Variants in ADGRL3 observed in about 807,000 individuals in gnomAD.
The protein encoded by ADGRL3 is calcium-independent alpha-latrotoxin receptor 3.
A neutral mutation model predicts 153.5 loss-of-function variants in ADGRL3; 62 were observed. The observed-to-expected ratio is 0.40, with a 90% CI of 0.33 to 0.50. ADGRL3 has a LOEUF of 0.50. ADGRL3 is among the 20% of genes least tolerant of loss of function. The pLI is 0.47. For synonymous variants in ADGRL3, 710 were observed against 672.5 expected, an observed-to-expected ratio of 1.06 and a Z score of -0.86; for missense variants, 1,641 against 1,859.4, an observed-to-expected ratio of 0.88 and a Z score of 2.16.
intron 2 of ADGRL3, among the ~76,000 whole-genome samples, chr4:61,446,224 A>C (rs2097580493): frequency 6.6e-6 from 1 of 152,176 alleles, no homozygotes; most frequent in Non-Finnish European, 1.5e-5. Flanking sequence ...TGTAAGTGGA[A>C]AAGCAACTAA....
intron 6 of ADGRL3, among the ~76,000 whole-genome samples, chr4:61,729,305 G>T (rs1179414247): frequency 6.6e-6 from 1 of 151,990 alleles, no homozygotes; most frequent in African/African-American, 2.4e-5. Context: ...CAGAACTTTT[G>T]ATATATGCCA....
At chr4:61,988,409 T>C (rs150093678) in intron 19 of ADGRL3, among the ~76,000 whole-genome samples, 1 of 152,288 alleles carries the variant, frequency 6.6e-6, no homozygotes, top group Non-Finnish European at 1.5e-5. Flanking sequence ...ATTTATCTCT[T>C]TCTTATATCT....
chr4:61,566,959 T>C (rs988639936), intron 4 of ADGRL3, among the ~76,000 whole-genome samples: 1 of 152,170 alleles, frequency 6.6e-6, no homozygotes, highest in Admixed American at 6.5e-5. Context: ...CTCCAAGCTT[T>C]AAGAACATTA....
chr4:61,260,633 A>G (rs1347665269), intron 1 of ADGRL3, among the ~76,000 whole-genome samples: 1 of 152,234 alleles, frequency 6.6e-6, no homozygotes, highest in East Asian at 1.9e-4. Context: ...TAGAATATGC[A>G]TCAATACATA....
chr4:61,726,830 A>C (rs2096356937), intron 6 of ADGRL3, among the ~76,000 whole-genome samples: 1 of 152,162 alleles, frequency 6.6e-6, no homozygotes, highest in Admixed American at 6.5e-5. Context: ...AGATTACAGA[A>C]ATATGGGGGC....
intron 2 of ADGRL3, among the ~76,000 whole-genome samples, chr4:61,430,625 C>G (rs1252055392): frequency 6.6e-6 from 1 of 151,952 alleles, no homozygotes; most frequent in Non-Finnish European, 1.5e-5. Flanking sequence ...TACTTAAAAC[C>G]CACAATCAAT....
chr4:61,747,898 G>A (rs2096690814), intron 8 of ADGRL3, among the ~76,000 whole-genome samples: 2 of 152,050 alleles, frequency 1.3e-5, no homozygotes, highest in South Asian at 4.1e-4. Context: ...TATTCAATTA[G>A]GAAAAGAGGA....
intron 11 of ADGRL3, among the ~76,000 whole-genome samples, chr4:61,898,901 G>C (rs1252640059): frequency 6.6e-6 from 1 of 152,094 alleles, no homozygotes; most frequent in Non-Finnish European, 1.5e-5. Context: ...ACAGGAGTGA[G>C]CCACCATGCC....
intron 18 of ADGRL3, 46 bp downstream of exon 18, chr4:61,979,818 GC>G (rs748556255): frequency 6.8e-7 from 1 of 1,481,192 alleles, no homozygotes; most frequent in African/African-American, 1.4e-5. Context: ...TCCACTTCCA[GC>G]TTTTCAGTAG....
intron 1 of ADGRL3, among the ~76,000 whole-genome samples, chr4:61,374,984 T>C (rs2096586683): frequency 6.6e-6 from 1 of 152,138 alleles, no homozygotes; most frequent in Non-Finnish European, 1.5e-5. Flanking sequence ...CTTCATTAGA[T>C]GCCAGGTTCT....
intron 5 of ADGRL3, among the ~76,000 whole-genome samples, chr4:61,605,260 G>A (rs865865151): frequency 5.3e-5 from 8 of 152,000 alleles, no homozygotes; most frequent in African/African-American, 1.4e-4. Context: ...CTTTAAATTC[G>A]TCTCATTATA....
At chr4:61,553,314 AC>A (rs1290914552) in intron 4 of ADGRL3, among the ~76,000 whole-genome samples, 4 of 152,184 alleles carry the variant, frequency 2.6e-5, no homozygotes, top group African/African-American at 7.2e-5. Context: ...AAAATATATA[AC>A]TGAGATAAAA....
intron 11 of ADGRL3, among the ~76,000 whole-genome samples, chr4:61,897,840 A>G (rs1019424321): frequency 2.6e-5 from 4 of 152,066 alleles, no homozygotes; most frequent in Non-Finnish European, 5.9e-5. Flanking sequence ...TTTGTTTACA[A>G]TGGTATTGGG....
chr4:61,604,529 T>C (rs73822691), intron 5 of ADGRL3, among the ~76,000 whole-genome samples: 3,356 of 152,264 alleles, frequency 0.022, 94 homozygotes, highest in East Asian at 0.12. Context: ...CAAAGAAAAG[T>C]CTTGAAATAA....
chr4:61,522,476 C>A (rs2098537195), intron 4 of ADGRL3, among the ~76,000 whole-genome samples: 1 of 152,090 alleles, frequency 6.6e-6, no homozygotes, highest in African/African-American at 2.4e-5. Context: ...AAAGGAAGTG[C>A]TTTCAAAGTT....
intron 4 of ADGRL3, among the ~76,000 whole-genome samples, chr4:61,560,004 A>G (rs2098787866): frequency 6.6e-6 from 1 of 152,054 alleles, no homozygotes; most frequent in Non-Finnish European, 1.5e-5. Context: ...ATTCACATGA[A>G]AAAGTACTAA....
intron 25 of ADGRL3, among the ~76,000 whole-genome samples, chr4:62,061,332 C>T (rs745469706): frequency 2.8e-4 from 42 of 151,624 alleles, no homozygotes; most frequent in Admixed American, 1.1e-3. Context: ...GAAATAATAC[C>T]GAGAAATATT....
At chr4:61,220,803 G>A (rs1416869391) in intron 1 of ADGRL3, among the ~76,000 whole-genome samples, 1 of 152,122 alleles carries the variant, frequency 6.6e-6, no homozygotes, top group African/African-American at 2.4e-5. Flanking sequence ...TGATTATCTA[G>A]CAATTCGTGA....
At chr4:61,775,825 C>A in intron 8 of ADGRL3, 1 of 612,480 alleles carries the variant, frequency 1.6e-6, no homozygotes. Context: ...CATTACGCTT[C>A]CAGCAGCAAT....
Sources: allele counts gnomAD v4.1 joint callset (sites outside exome capture counted in the v4.1 genomes callset), GRCh38; gene constraint gnomAD v4.1.1; transcripts MANE v1.5; gene names NCBI Gene and HGNC (gene_info 2026-07-23, HGNC 2026-07-21).